RYR3: variants seen among roughly 807,000 people sequenced by gnomAD.
RYR3 encodes the protein ryanodine receptor 3, also known as brain ryanodine receptor-calcium release channel.
Under a neutral mutation model 584.3 loss-of-function variants are expected in RYR3, and 207 were observed. The observed-to-expected ratio is 0.35, with a 90% confidence interval of 0.32 to 0.40. The LOEUF is 0.40. Ranked by LOEUF, RYR3 falls within the 10% of genes least tolerant of loss-of-function variation. The probability of loss-of-function intolerance (pLI) is 1.00; values close to 1 mark genes in which losing one functional copy is unlikely to be tolerated. For missense variants in RYR3, 5,616 were observed against 6,089.2 expected (o/e 0.92, Z 2.59); for synonymous variants, 2,416 against 2,248.5 (o/e 1.07, Z -2.11).
At chr15:33,362,222 G>A (rs1974866705) in intron 1 of RYR3, among the ~76,000 whole-genome samples, 1 of 152,154 alleles carries the variant, frequency 6.6e-6, no homozygotes, top group Non-Finnish European at 1.5e-5. Context: ...TGCGTTATTT[G>A]CTTGGTATTT....
In RYR3 at chr15:33,509,850, T is replaced by G. The variant is rs1595368344; in HGVS notation, c.279+6112T>G. On this transcript the variant is annotated intron_variant, in intron 3 of 103. Transcript: ENST00000634891. ...CGATGACTTTCAGGCTGCTAACCTTTGGGACACTCCTCCTCCCTACACCTG... is the reference window on the plus strand; with the variant it reads ...CGATGACTTTCAGGCTGCTAACCTTGGGGACACTCCTCCTCCCTACACCTG... Among the ~76,000 whole-genome samples, 7 of 152,284 alleles carry G rather than the reference T, an allele frequency of 4.6e-5. No individual in the cohort carries two copies. The South Asian group carries it at 1.5e-3, about 32-fold the overall frequency.
At position 33,371,735 on chromosome 15, in the gene RYR3, T is replaced by C. The variant is rs2040347500; in HGVS notation, c.51+60639T>C. On this transcript the variant is annotated intron_variant, in intron 1 of 103. Transcript: ENST00000634891. ...GGGAACCAATGACTGATTCTCCAAC[T>C]GGGGCAGCACAAGGCTGGAGATTCA... Among the ~76,000 whole-genome samples, 3 of 152,286 alleles carry C rather than the reference T, an allele frequency of 2.0e-5. No homozygotes were observed. The South Asian group carries it at 6.2e-4, about 32-fold the overall frequency.
chr15:33,756,460 T>C (rs1164054645), intron 59 of RYR3, 87 bp downstream of exon 59: 10 of 949,908 alleles, frequency 1.1e-5, no homozygotes, highest in Non-Finnish European at 1.5e-5. Context: ...AGTGAAGATA[T>C]CTAAAACTCC....
intron 1 of RYR3, among the ~76,000 whole-genome samples, chr15:33,317,888 T>C (rs1968417749): frequency 6.6e-6 from 1 of 152,164 alleles, no homozygotes; most frequent in Admixed American, 6.5e-5. Context: ...AGGGCCTTCT[T>C]TTTTCACCTT....
At chr15:33,854,253 C>A in intron 96 of RYR3, 136 bp from the exon 97 acceptor site, 1 of 669,786 alleles carries the variant, frequency 1.5e-6, no homozygotes, top group Non-Finnish European at 2.6e-6. Context: ...TCATGGGGAG[C>A]ACATACAACT....
At chr15:33,452,112 A>G (rs2047181684) in intron 1 of RYR3, among the ~76,000 whole-genome samples, 1 of 152,198 alleles carries the variant, frequency 6.6e-6, no homozygotes, top group South Asian at 2.1e-4. Context: ...CCTCTTTCAG[A>G]ATTAAAATTG....
At chr15:33,742,773 G>T (rs56089586) in intron 52 of RYR3, among the ~76,000 whole-genome samples, 23,048 of 151,914 alleles carry the variant, frequency 0.15, 1,858 homozygotes, top group South Asian at 0.26. Flanking sequence ...TGGGAAGGCT[G>T]CTATTTAATT....
intron 16 of RYR3, among the ~76,000 whole-genome samples, chr15:33,593,491 G>A (rs1452142329): frequency 1.3e-5 from 2 of 152,100 alleles, no homozygotes; most frequent in Non-Finnish European, 2.9e-5. Flanking sequence ...ATCCATATAG[G>A]CCACATTACT....
chr15:33,816,738 C>G (rs1432149929), intron 74 of RYR3, 124 bp from the exon 75 acceptor site: 2 of 600,304 alleles, frequency 3.3e-6, no homozygotes, highest in Non-Finnish European at 6.0e-6. Flanking sequence ...TACTGGCTAC[C>G]CTGACCAATC....
intron 1 of RYR3, among the ~76,000 whole-genome samples, chr15:33,414,356 T>C (rs1020870241): frequency 7.2e-5 from 11 of 152,166 alleles, no homozygotes; most frequent in South Asian, 4.1e-4. Flanking sequence ...GCTGGGTCTG[T>C]ATAGCTAAAG....
At chr15:33,829,180 G>T (rs76881639) in intron 85 of RYR3, among the ~76,000 whole-genome samples, 14,488 of 151,312 alleles carry the variant, frequency 0.096, 929 homozygotes, top group Non-Finnish European at 0.14. Context: ...AAAAAAAAAA[G>T]ATTCCTTTCA....
chr15:33,757,795 G>A (rs1045246631), intron 60 of RYR3, 199 bp downstream of exon 60: 5 of 605,404 alleles, frequency 8.3e-6, no homozygotes, highest in Non-Finnish European at 1.4e-5. Context: ...CTGTGTGGGA[G>A]TACCCGTGGG....
intron 13 of RYR3, among the ~76,000 whole-genome samples, chr15:33,581,046 CG>C (rs775478359): frequency 2.8e-4 from 3 of 10,586 alleles, no homozygotes; most frequent in Non-Finnish European, 5.7e-4. Flanking sequence ...TGCAGGGGGC[CG>C]GGGGGGTGGG....
intron 6 of RYR3, 31 bp from the exon 7 acceptor site, chr15:33,540,760 A>G: frequency 7.1e-7 from 1 of 1,412,170 alleles, no homozygotes. Context: ...CTGGTGATTT[A>G]AAAGATGTCT....
chr15:33,649,574 G>T (rs1008037127), intron 31 of RYR3, among the ~76,000 whole-genome samples: 2 of 152,176 alleles, frequency 1.3e-5, no homozygotes, highest in Admixed American at 6.5e-5. Context: ...AAATCTCTGG[G>T]TGCTTGAGAG....
At chr15:33,639,824 C>A (rs1344579696) in intron 27 of RYR3, among the ~76,000 whole-genome samples, 1 of 152,222 alleles carries the variant, frequency 6.6e-6, no homozygotes, top group Non-Finnish European at 1.5e-5. Flanking sequence ...TGTTCCCTCC[C>A]CTGGTCCCTA....
chr15:33,823,274 A>G (rs2077204269), intron 81 of RYR3, among the ~76,000 whole-genome samples: 1 of 152,108 alleles, frequency 6.6e-6, no homozygotes, highest in Non-Finnish European at 1.5e-5. Context: ...GGAAAATGTG[A>G]TTGCCATTAG....
chr15:33,509,510 T>C (rs1341844110), intron 3 of RYR3, among the ~76,000 whole-genome samples: 3 of 152,240 alleles, frequency 2.0e-5, no homozygotes, highest in Non-Finnish European at 4.4e-5. Flanking sequence ...GCGTCCATAA[T>C]TCTAAACCTC....
intron 60 of RYR3, among the ~76,000 whole-genome samples, chr15:33,758,450 G>T (rs563580317): frequency 4.9e-4 from 75 of 152,290 alleles, no homozygotes; most frequent in Non-Finnish European, 8.2e-4. Context: ...ACTCGGGCTT[G>T]GTTGGGGGAG....
Sources: allele counts gnomAD v4.1 joint callset (sites outside exome capture counted in the v4.1 genomes callset), GRCh38; gene constraint gnomAD v4.1.1; transcripts MANE v1.5; gene names NCBI Gene and HGNC (gene_info 2026-07-23, HGNC 2026-07-21).